The following MACF1 variants were observed in gnomAD, a reference collection of about 807,000 sequenced individuals.
The protein encoded by MACF1 is microtubule-actin cross-linking factor 1.
Under a neutral mutation model 854.8 loss-of-function variants are expected in MACF1, and 193 were observed. The observed-to-expected ratio is 0.23, with a 90% CI of 0.20 to 0.25. The LOEUF (loss-of-function observed/expected upper bound fraction) is 0.25, where lower values mean the gene tolerates loss of function less well. MACF1 is among the 10% of genes least tolerant of loss of function. The pLI is 1.00. For missense variants in MACF1, 7,722 were observed against 8,929.1 expected (o/e 0.86, Z 5.45); for synonymous variants, 3,185 against 3,226.7 (o/e 0.99, Z 0.44).
rs187869478 is a variant in MACF1, at chr1:39,438,650, C to T, written c.18221-624C>T. Among the ~76,000 whole-genome samples the T allele has an allele frequency of 1.1e-3, 164 of 151,538 alleles. 1 individual carries two copies. Among genetic ancestry groups the T allele is most frequent in the Admixed American group, 0.011 (160 of 15,190 alleles). ...AGAATTAGCTGGGTGTGGTGGCATG[C>T]GCCTGTAATCCCAGCAACTCAGGAG... On this transcript the variant is annotated intron_variant, in intron 71 of 100. Coordinates refer to ENST00000564288, the MANE Select transcript of MACF1 (RefSeq NM_001394062.1).
chr1:39,287,013 C>T (rs184927269), intron 14 of MACF1, among the ~76,000 whole-genome samples: 34 of 151,454 alleles, frequency 2.2e-4, no homozygotes, highest in East Asian at 7.9e-4. Context: ...CAGGCTGGGA[C>T]GCAGTGGTGT....
chr1:39,124,765 A>G (rs2148162971), intron 2 of MACF1, among the ~76,000 whole-genome samples: 1 of 152,346 alleles, frequency 6.6e-6, no homozygotes, highest in Admixed American at 6.5e-5. Flanking sequence ...TTATGCATAT[A>G]TTATTTCATT....
intron 20 of MACF1, among the ~76,000 whole-genome samples, chr1:39,297,181 C>T (rs1239803909): frequency 1.3e-5 from 2 of 152,138 alleles, no homozygotes; most frequent in African/African-American, 4.8e-5. Context: ...CCGCCTTGGC[C>T]TCCGAAAGTG....
rs71057199 is a variant in MACF1 at position 39,208,166 on chromosome 1, G to GTT, written c.109+3046_109+3047dup. ...AAAAAAAGAAAAGAAATATAAAAGG[G>GTT]TTTTTTTTTTTTAATTAAATCTACT... On this transcript the variant is annotated intron_variant, in intron 1 of 100. Transcript: ENST00000564288. Among the ~76,000 whole-genome samples the GTT allele has an allele frequency of 1.6e-3, 229 of 141,558 alleles. 1 individual carries two copies. The highest frequency in any genetic ancestry group is 2.2e-3 in the Admixed American group (31 of 14,028). The allele number at this position is 141,558 out of a possible 152,430, so 92.9% of individuals were successfully genotyped here. A position where few individuals can be genotyped will look rare whatever the true frequency, so the allele number is the denominator to read the frequency against.
intron 6 of MACF1, among the ~76,000 whole-genome samples, chr1:39,276,505 C>A (rs1645440560): frequency 6.6e-6 from 1 of 152,184 alleles, no homozygotes; most frequent in African/African-American, 2.4e-5. Flanking sequence ...TTTAACAGAT[C>A]AGTCCCTTAA....
At chr1:39,311,245 C>G (rs1168633541) in intron 26 of MACF1, among the ~76,000 whole-genome samples, 1 of 152,210 alleles carries the variant, frequency 6.6e-6, no homozygotes, top group Non-Finnish European at 1.5e-5. Context: ...GTAAATTTTT[C>G]TAAGCAGTAT....
At chr1:39,227,763 G>A (rs776652012) in intron 1 of MACF1, among the ~76,000 whole-genome samples, 111 of 152,202 alleles carry the variant, frequency 7.3e-4, no homozygotes, top group Middle Eastern at 3.4e-3. Flanking sequence ...CTAATTATGT[G>A]CAGTTCTTTG....
At chr1:39,445,292 A>C (rs994528154) in intron 80 of MACF1, among the ~76,000 whole-genome samples, 14 of 152,252 alleles carry the variant, frequency 9.2e-5, no homozygotes, top group African/African-American at 3.4e-4. Context: ...CATCCTCAAA[A>C]ATCAAATTCT....
intron 58 of MACF1, among the ~76,000 whole-genome samples, chr1:39,393,547 A>G (rs974347806): frequency 6.6e-6 from 1 of 152,020 alleles, no homozygotes; most frequent in Non-Finnish European, 1.5e-5. Context: ...AGTGGCTCAC[A>G]CCTATAATCA....
At position 39,461,988 on chromosome 1, in the gene MACF1, A is replaced by G; in HGVS notation, c.21629A>G (p.Asn7210Ser). ...GAATTTGTGGCTGCTCTTCATCCCAACAAGGATGCGTATCGACCAACAACC... is the reference window on the plus strand; with the variant it reads ...GAATTTGTGGCTGCTCTTCATCCCAGCAAGGATGCGTATCGACCAACAACC... ...YYEFVAALHP[N>S]KDAYRPTTDA... The change falls in exon 93 of 101, where the codon AAC becomes AGC. Residue 7210 changes from asparagine to serine, a missense_variant. Around this residue, in one of 15 missense-constraint regions of MACF1, gnomAD observed 153 missense variants for 342.5 expected, o/e 0.45. Transcript: ENST00000564288. The G allele has an allele frequency of 6.2e-7, 1 of 1,613,990 alleles. No individual in the cohort carries two copies. Among genetic ancestry groups the G allele is most frequent in the Non-Finnish European group, 8.5e-7 (1 of 1,179,984 alleles).
At chr1:39,413,110 G>T (rs377071603) in intron 58 of MACF1, 1 of 1,607,890 alleles carries the variant, frequency 6.2e-7, no homozygotes, top group South Asian at 1.1e-5. Flanking sequence ...GTCAGCTGTC[G>T]CAGGGTTCTC....
At chr1:39,130,292 T>A (rs1238998464) in intron 2 of MACF1, among the ~76,000 whole-genome samples, 1 of 152,250 alleles carries the variant, frequency 6.6e-6, no homozygotes, top group Non-Finnish European at 1.5e-5. Flanking sequence ...TTAGGCTAGA[T>A]GCCTCCCTAT....
chr1:39,115,564 G>A (rs1642523181), intron 2 of MACF1, among the ~76,000 whole-genome samples: 1 of 152,086 alleles, frequency 6.6e-6, no homozygotes, highest in Non-Finnish European at 1.5e-5. Flanking sequence ...CATTGCGGTC[G>A]AGGCTTCTGA....
At chr1:39,234,835 G>A (rs868090646) in intron 2 of MACF1, among the ~76,000 whole-genome samples, 1 of 43,750 alleles carries the variant, frequency 2.3e-5, no homozygotes, top group African/African-American at 4.5e-5. Context: ...ACGGGGTCGC[G>A]GCTGGGCAGA....
At chr1:39,085,701 T>C (rs1380764302) in intron 2 of MACF1, among the ~76,000 whole-genome samples, 2 of 152,114 alleles carry the variant, frequency 1.3e-5, no homozygotes, top group African/African-American at 4.8e-5. Context: ...CAAACCTAAT[T>C]CTATTACTCG....
chr1:39,225,463 G>A (rs577511910), intron 1 of MACF1, among the ~76,000 whole-genome samples: 3 of 151,928 alleles, frequency 2.0e-5, no homozygotes, highest in Admixed American at 1.3e-4. Flanking sequence ...TGATCCACCC[G>A]CCTCGGCCTC....
At chr1:39,377,780 G>A (rs1306458137) in intron 52 of MACF1, among the ~76,000 whole-genome samples, 1 of 152,216 alleles carries the variant, frequency 6.6e-6, no homozygotes, top group Non-Finnish European at 1.5e-5. Context: ...GAGGCAGGCA[G>A]ATCACCTGAG....
chr1:39,289,221 T>C (rs114387136), intron 15 of MACF1, among the ~76,000 whole-genome samples: 5,641 of 152,332 alleles, frequency 0.037, 161 homozygotes, highest in South Asian at 0.05. Flanking sequence ...ATCTCTTTGA[T>C]ACACTGATTT....
chr1:39,441,840 C>T (rs535714431), intron 74 of MACF1, 112 bp from the exon 75 acceptor site: 4 of 753,804 alleles, frequency 5.3e-6, no homozygotes, highest in Non-Finnish European at 9.1e-6. Flanking sequence ...AAATCACAAA[C>T]AGCACAAGGT....
Sources: gnomAD v4.1 joint callset for allele counts (sites outside exome capture counted in the v4.1 genomes callset) on GRCh38, gnomAD v4.1.1 for gene constraint, gnomAD v4.1.1 regional missense constraint, MANE v1.5 for transcripts, NCBI Gene and HGNC (gene_info 2026-07-23, HGNC 2026-07-21) for gene names.